MSI2: variants seen among roughly 807,000 people sequenced by gnomAD.
MSI2 encodes RNA-binding protein Musashi homolog 2.
Under a neutral mutation model 45.6 loss-of-function variants are expected in MSI2, and 17 were observed. The observed-to-expected ratio is 0.37, with a 90% CI of 0.26 to 0.56. MSI2 has a LOEUF of 0.56. Among genes scored for constraint, MSI2 ranks in the 20% least tolerant of loss-of-function variants. MSI2 has a pLI of 0.77. For missense variants in MSI2, 293 were observed against 444.2 expected, an observed-to-expected ratio of 0.66 and a Z score of 3.06; for synonymous variants, 156 against 158.2, an observed-to-expected ratio of 0.99 and a Z score of 0.11.
intron 7 of MSI2, among the ~76,000 whole-genome samples, chr17:57,575,119 T>C (rs145198342): frequency 0.012 from 1,792 of 151,394 alleles, 20 homozygotes; most frequent in Middle Eastern, 0.031. Flanking sequence ...CGTGAGCCAC[T>C]GTGCCCGGCC....
chr17:57,603,879 G>T (rs1361257514), intron 8 of MSI2, among the ~76,000 whole-genome samples: 1 of 152,262 alleles, frequency 6.6e-6, no homozygotes, highest in African/African-American at 2.4e-5. Flanking sequence ...CCAATGAAAG[G>T]CATTTAGCCA....
At chr17:57,576,783 C>T (rs1400269810) in intron 7 of MSI2, among the ~76,000 whole-genome samples, 2 of 146,836 alleles carry the variant, frequency 1.4e-5, no homozygotes, top group African/African-American at 2.5e-5. Context: ...TGACTATAAT[C>T]GATGTCTAAT....
intron 6 of MSI2, among the ~76,000 whole-genome samples, chr17:57,436,635 C>T (rs2084695670): frequency 6.6e-6 from 1 of 152,228 alleles, no homozygotes; most frequent in Non-Finnish European, 1.5e-5. Context: ...AGCCCATGCT[C>T]GCCGAGGAGG....
At chr17:57,642,251 G>A (rs180711156) in intron 10 of MSI2, among the ~76,000 whole-genome samples, 1 of 152,252 alleles carries the variant, frequency 6.6e-6, no homozygotes, top group East Asian at 1.9e-4. Flanking sequence ...GACCTTTTGG[G>A]GGTAGGTCAA....
chr17:57,572,740 G>A (rs1259330642), intron 7 of MSI2, among the ~76,000 whole-genome samples: 1 of 152,216 alleles, frequency 6.6e-6, no homozygotes, highest in Non-Finnish European at 1.5e-5. Context: ...CCAGCTCAGG[G>A]CAGAGAGCTG....
intron 10 of MSI2, among the ~76,000 whole-genome samples, chr17:57,634,520 C>G (rs1368416719): frequency 6.6e-6 from 1 of 151,900 alleles, no homozygotes; most frequent in African/African-American, 2.4e-5. Flanking sequence ...CAAGGGTGGG[C>G]TGCTTGTTCA....
intron 5 of MSI2, among the ~76,000 whole-genome samples, chr17:57,327,513 T>C (rs946195906): frequency 2.0e-5 from 3 of 152,206 alleles, no homozygotes; most frequent in African/African-American, 2.4e-5. Flanking sequence ...GATTTGTGAA[T>C]TGGTGTCAGA....
chr17:57,309,092 T>C (rs1912153575), intron 5 of MSI2, among the ~76,000 whole-genome samples: 1 of 152,214 alleles, frequency 6.6e-6, no homozygotes, highest in African/African-American at 2.4e-5. Flanking sequence ...CTTTGTAGTC[T>C]CAACGCAGGT....
chr17:57,273,539 G>A lies in MSI2; in HGVS notation c.312+11347G>A, dbSNP rs769639145. On this transcript the variant is annotated intron_variant, in intron 5 of 13. Coordinates refer to ENST00000284073, the MANE Select transcript of MSI2 (RefSeq NM_138962.4). ...CTGACATAGTGGGGATGTGGGTGGG[G>A]GGGGGGACCTCATTATGAATTTTTC... Among the ~76,000 whole-genome samples the A allele has an allele frequency of 7.4e-5, 10 of 134,366 alleles. No individual in the cohort carries two copies. In the South Asian group the frequency reaches 2.4e-3, roughly 33 times the overall value. 88.1% of individuals were successfully genotyped at this position (134,366 alleles called of 152,430 possible). A position where few individuals can be genotyped will look rare whatever the true frequency, so the allele number is the denominator to read the frequency against.
intron 5 of MSI2, among the ~76,000 whole-genome samples, chr17:57,307,598 A>G (rs1408543602): frequency 6.6e-6 from 1 of 151,972 alleles, no homozygotes; most frequent in Non-Finnish European, 1.5e-5. Context: ...CTAATTTTGT[A>G]CTTTTTAGTA....
intron 10 of MSI2, among the ~76,000 whole-genome samples, chr17:57,635,035 T>TA (rs1487545950): frequency 6.6e-6 from 1 of 152,116 alleles, no homozygotes; most frequent in South Asian, 2.1e-4. Flanking sequence ...TGTGCTCAGA[T>TA]AAAAATAAAG....
At chr17:57,325,340 C>T (rs1348099343) in intron 5 of MSI2, among the ~76,000 whole-genome samples, 5 of 152,216 alleles carry the variant, frequency 3.3e-5, no homozygotes, top group African/African-American at 9.7e-5. Context: ...AAAAAAACTA[C>T]ATATTGGATG....
chr17:57,387,667 G>T (rs1460773222), intron 5 of MSI2, among the ~76,000 whole-genome samples: 1 of 152,190 alleles, frequency 6.6e-6, no homozygotes, highest in African/African-American at 2.4e-5. Flanking sequence ...AGAAATCAAG[G>T]GTAGTAGAAT....
At chr17:57,621,464 A>G (rs1327223333) in intron 9 of MSI2, among the ~76,000 whole-genome samples, 1 of 152,258 alleles carries the variant, frequency 6.6e-6, no homozygotes, top group Non-Finnish European at 1.5e-5. Context: ...TTATTAAATG[A>G]GTACCTACTA....
intron 9 of MSI2, among the ~76,000 whole-genome samples, chr17:57,617,938 G>A (rs577417483): frequency 6.6e-6 from 1 of 152,080 alleles, no homozygotes; most frequent in East Asian, 1.9e-4. Context: ...GGGCACTGCA[G>A]CACGTGCCCG....
At chr17:57,337,257 G>A (rs1391817735) in intron 5 of MSI2, among the ~76,000 whole-genome samples, 1 of 152,196 alleles carries the variant, frequency 6.6e-6, no homozygotes, top group Non-Finnish European at 1.5e-5. Flanking sequence ...AGCCTGACAA[G>A]AAAACCCTTG....
chr17:57,363,644 G>T (rs1374395066), intron 5 of MSI2, among the ~76,000 whole-genome samples: 1 of 152,126 alleles, frequency 6.6e-6, no homozygotes, highest in African/African-American at 2.4e-5. Flanking sequence ...GAGGCTGAGG[G>T]ATGAGAATTG....
chr17:57,304,095 A>G (rs988345271), intron 5 of MSI2, among the ~76,000 whole-genome samples: 4 of 152,196 alleles, frequency 2.6e-5, no homozygotes, highest in African/African-American at 9.6e-5. Context: ...GCCATGGCTC[A>G]CGCCTGTAAT....
At chr17:57,527,470 G>GT (rs943166060) in intron 6 of MSI2, among the ~76,000 whole-genome samples, 3 of 145,028 alleles carry the variant, frequency 2.1e-5, no homozygotes, top group Non-Finnish European at 4.7e-5. Flanking sequence ...CCGTCGGCGG[G>GT]GGCTCTTGAA....
Sources: gnomAD v4.1 joint callset for allele counts (sites outside exome capture counted in the v4.1 genomes callset) on GRCh38, gnomAD v4.1.1 for gene constraint, MANE v1.5 for transcripts, NCBI Gene and HGNC (gene_info 2026-07-23, HGNC 2026-07-21) for gene names.